The following SPMIP7 variants were observed in gnomAD, a reference collection of about 807,000 sequenced individuals.
The protein encoded by SPMIP7 is sperm microtubule inner protein 7, also known as protein SPMIP7.
At chr7:50,153,234 C>T in the SPMIP7 span, among the ~76,000 whole-genome samples, 1 of 152,182 alleles carries the variant, frequency 6.6e-6, no homozygotes, top group East Asian at 1.9e-4. Flanking sequence ...TCAGGGAGAG[C>T]TTTCTGAAAA....
At chr7:50,154,430 A>G in the SPMIP7 span, among the ~76,000 whole-genome samples, 1 of 152,278 alleles carries the variant, frequency 6.6e-6, no homozygotes, top group East Asian at 1.9e-4. Context: ...CCACTGTTCT[A>G]TTCACTATCT....
the SPMIP7 span, among the ~76,000 whole-genome samples, chr7:50,145,618 GTA>G: frequency 0.068 from 1,868 of 27,596 alleles, 110 homozygotes; most frequent in South Asian, 0.22. Flanking sequence ...ATATGTGTGT[GTA>G]TATATATATA....
the SPMIP7 span, among the ~76,000 whole-genome samples, chr7:50,126,760 T>C: frequency 1.3e-5 from 2 of 151,728 alleles, no homozygotes; most frequent in Admixed American, 1.3e-4. Flanking sequence ...ACTAATGGAG[T>C]AAAAGAGAAA....
At chr7:50,109,673 C>T in the SPMIP7 span, among the ~76,000 whole-genome samples, 5 of 152,082 alleles carry the variant, frequency 3.3e-5, no homozygotes, top group Admixed American at 2.6e-4. Flanking sequence ...CCATGCCAGG[C>T]CAACACTATT....
chr7:50,156,494 T>C, the SPMIP7 span, among the ~76,000 whole-genome samples: 2 of 152,092 alleles, frequency 1.3e-5, no homozygotes, highest in Admixed American at 6.5e-5. Flanking sequence ...ATGCCATTCC[T>C]GTGGTGGCTG....
At chr7:50,123,567 TAATAAATA>T in the SPMIP7 span, among the ~76,000 whole-genome samples, 568 of 146,398 alleles carry the variant, frequency 3.9e-3, 3 homozygotes, top group Middle Eastern at 0.011. Flanking sequence ...TAAAGTATAA[TAATAAATA>T]AATAAATAAA....
chr7:50,119,729 A>C, the SPMIP7 span, among the ~76,000 whole-genome samples: 1 of 152,312 alleles, frequency 6.6e-6, no homozygotes, highest in Non-Finnish European at 1.5e-5. Flanking sequence ...TAAATATAAA[A>C]AACCTATCAA....
the SPMIP7 span, among the ~76,000 whole-genome samples, chr7:50,132,856 T>G: frequency 6.6e-6 from 1 of 152,152 alleles, no homozygotes; most frequent in Non-Finnish European, 1.5e-5. Flanking sequence ...GAGATAATTT[T>G]TGTAATGGTC....
chr7:50,119,895 A>C, the SPMIP7 span, among the ~76,000 whole-genome samples: 1 of 152,210 alleles, frequency 6.6e-6, no homozygotes, highest in Non-Finnish European at 1.5e-5. Flanking sequence ...TCCTTCCAGC[A>C]TGCTATAAAG....
At chr7:50,135,292 G>A in the SPMIP7 span, among the ~76,000 whole-genome samples, 1 of 152,192 alleles carries the variant, frequency 6.6e-6, no homozygotes. Context: ...ACGCGTAGGA[G>A]TCTGGTTAAG....
At chr7:50,125,241 C>T in the SPMIP7 span, among the ~76,000 whole-genome samples, 4,235 of 35,800 alleles carry the variant, frequency 0.12, 404 homozygotes, top group African/African-American at 0.29. Flanking sequence ...TATATATACA[C>T]ATATATACAC....
At chr7:50,155,815 G>GCACATACA in the SPMIP7 span, among the ~76,000 whole-genome samples, 2 of 21,472 alleles carry the variant, frequency 9.3e-5, no homozygotes, top group Non-Finnish European at 1.5e-4. Context: ...CTACACACAT[G>GCACATACA]GCTGTCATCC....
chr7:50,105,744 G>A, the SPMIP7 span, among the ~76,000 whole-genome samples: 3 of 152,138 alleles, frequency 2.0e-5, no homozygotes, highest in East Asian at 5.8e-4. Context: ...GCCTGTTCTA[G>A]GCTATTCTGA....
the SPMIP7 span, among the ~76,000 whole-genome samples, chr7:50,102,536 T>C: frequency 6.6e-6 from 1 of 152,078 alleles, no homozygotes; most frequent in Non-Finnish European, 1.5e-5. Context: ...AGCTTCAAAG[T>C]CAACAATAGT....
the SPMIP7 span, among the ~76,000 whole-genome samples, chr7:50,127,617 C>CTATATATATATATATATATATA: frequency 7.0e-6 from 1 of 142,408 alleles, no homozygotes; most frequent in Non-Finnish European, 1.5e-5. Context: ...ATATCTTTTT[C>CTATATATATATATATATATATA]TATATATATA....
chr7:50,125,685 G>A, the SPMIP7 span, among the ~76,000 whole-genome samples: 1,172 of 151,396 alleles, frequency 7.7e-3, 23 homozygotes, highest in African/African-American at 0.027. Flanking sequence ...CCACAACATG[G>A]ATGAACCTGA....
chr7:50,157,285 G>A, the SPMIP7 span, among the ~76,000 whole-genome samples: 1 of 152,214 alleles, frequency 6.6e-6, no homozygotes, highest in African/African-American at 2.4e-5. Flanking sequence ...AAACTGAGAG[G>A]AAGGGACAGT....
the SPMIP7 span, among the ~76,000 whole-genome samples, chr7:50,100,870 C>A: frequency 0.78 from 118,278 of 150,818 alleles, 46,345 homozygotes; most frequent in East Asian, 0.88. Flanking sequence ...AATCGTTTTT[C>A]TCAAGATAAT....
the SPMIP7 span, among the ~76,000 whole-genome samples, chr7:50,155,842 A>C: frequency 2.0e-5 from 3 of 152,236 alleles, no homozygotes; most frequent in Non-Finnish European, 2.9e-5. Context: ...CTCACTATAC[A>C]CACATACTGC....
Sources: gnomAD v4.1 joint callset for allele counts (sites outside exome capture counted in the v4.1 genomes callset) on GRCh38, gnomAD v4.1.1 for gene constraint, MANE v1.5 for transcripts, NCBI Gene and HGNC (gene_info 2026-07-23, HGNC 2026-07-21) for gene names.